NELL1: variants seen among roughly 807,000 people sequenced by gnomAD.
NELL1 encodes the protein neural EGFL like 1.
A neutral mutation model predicts 107.4 loss-of-function variants in NELL1; 76 were observed. The observed-to-expected ratio is 0.71, with a 90% confidence interval of 0.59 to 0.86. The LOEUF (loss-of-function observed/expected upper bound fraction) is 0.86. Ranked by LOEUF, NELL1 falls within the 40% of genes least tolerant of loss-of-function variation. NELL1 has a pLI of 0.00. For synonymous variants in NELL1, 353 were observed against 341.2 expected, an observed-to-expected ratio of 1.03 and a Z score of -0.38; for missense variants, 1,024 against 1,005.5, an observed-to-expected ratio of 1.02 and a Z score of -0.25.
intron 15 of NELL1, among the ~76,000 whole-genome samples, chr11:21,498,333 T>TTATATATATATATATATATATA (rs34418018): frequency 8.8e-6 from 1 of 113,718 alleles, no homozygotes; most frequent in East Asian, 2.6e-4. Context: ...CATAAACATA[T>TTATATATATATATATATATATA]TATATATATA....
intron 2 of NELL1, among the ~76,000 whole-genome samples, chr11:20,732,295 T>C (rs181483827): frequency 1.3e-5 from 2 of 152,264 alleles, no homozygotes; most frequent in African/African-American, 4.8e-5. Context: ...GGAGAGAATA[T>C]TTGAGTTCCT....
chr11:20,971,288 A>G (rs1107083), intron 12 of NELL1, among the ~76,000 whole-genome samples: 6,317 of 152,238 alleles, frequency 0.041, 209 homozygotes, highest in Middle Eastern at 0.2. Flanking sequence ...CTTGAAAGAC[A>G]TTATGCATAA....
At chr11:21,310,165 A>G (rs1849720087) in intron 14 of NELL1, among the ~76,000 whole-genome samples, 1 of 152,104 alleles carries the variant, frequency 6.6e-6, no homozygotes. Context: ...ATAACTATTT[A>G]CTTGTTAAGC....
At chr11:21,130,584 C>T (rs980153543) in intron 13 of NELL1, among the ~76,000 whole-genome samples, 3 of 152,100 alleles carry the variant, frequency 2.0e-5, no homozygotes, top group African/African-American at 7.2e-5. Context: ...CTCTAAGCAA[C>T]CAGGGAGTTG....
intron 16 of NELL1, among the ~76,000 whole-genome samples, chr11:21,545,088 T>C (rs767487124): frequency 8.6e-5 from 13 of 152,038 alleles, no homozygotes; most frequent in Non-Finnish European, 1.5e-4. Flanking sequence ...TTCTAGTGGT[T>C]TATTGAGGTA....
chr11:21,002,591 C>A (rs185956349), intron 12 of NELL1, among the ~76,000 whole-genome samples: 3 of 152,274 alleles, frequency 2.0e-5, no homozygotes, highest in Admixed American at 2.0e-4. Flanking sequence ...CTGCATTAAA[C>A]CTGCCTCTAC....
chr11:21,000,048 G>A (rs36058045), intron 12 of NELL1, among the ~76,000 whole-genome samples: 6,134 of 152,170 alleles, frequency 0.04, 184 homozygotes, highest in Middle Eastern at 0.12. Flanking sequence ...GATCCACCAA[G>A]GGTAAATAAA....
chr11:21,344,539 C>T (rs1426123212), intron 14 of NELL1, among the ~76,000 whole-genome samples: 1 of 151,920 alleles, frequency 6.6e-6, no homozygotes, highest in Non-Finnish European at 1.5e-5. Context: ...TTTAAAAACT[C>T]AGCAGTATCC....
chr11:21,471,633 C>A (rs996070728), intron 15 of NELL1, among the ~76,000 whole-genome samples: 1 of 151,866 alleles, frequency 6.6e-6, no homozygotes, highest in Admixed American at 6.6e-5. Flanking sequence ...TATAACAATT[C>A]AGTGATGAAG....
intron 15 of NELL1, among the ~76,000 whole-genome samples, chr11:21,439,457 C>T (rs1314847668): frequency 1.3e-5 from 2 of 152,106 alleles, no homozygotes; most frequent in East Asian, 1.9e-4. Flanking sequence ...CTGACTGGAA[C>T]AGTGTCTACA....
chr11:20,856,474 C>T (rs1848884328), intron 4 of NELL1, among the ~76,000 whole-genome samples: 1 of 152,204 alleles, frequency 6.6e-6, no homozygotes, highest in Admixed American at 6.5e-5. Context: ...TTTGAACTAA[C>T]AAGCTTCAAG....
chr11:21,392,662 T>C (rs1262722327), intron 15 of NELL1, among the ~76,000 whole-genome samples: 1 of 151,810 alleles, frequency 6.6e-6, no homozygotes, highest in Non-Finnish European at 1.5e-5. Context: ...GTCCTGGTCA[T>C]TGTGATAACT....
chr11:21,259,445 A>G (rs2133920377), intron 14 of NELL1, among the ~76,000 whole-genome samples: 1 of 152,036 alleles, frequency 6.6e-6, no homozygotes, highest in East Asian at 1.9e-4. Context: ...TAGCATGAGT[A>G]AAGTTATGGA....
At chr11:20,916,498 A>G (rs1045273427) in intron 5 of NELL1, among the ~76,000 whole-genome samples, 7 of 152,006 alleles carry the variant, frequency 4.6e-5, no homozygotes, top group African/African-American at 9.7e-5. Context: ...ACCATGACAC[A>G]TGTGCTCCAG....
intron 16 of NELL1, among the ~76,000 whole-genome samples, chr11:21,541,499 C>CT (rs1856291471): frequency 6.6e-6 from 1 of 152,114 alleles, no homozygotes; most frequent in Non-Finnish European, 1.5e-5. Flanking sequence ...TTGACTGCTT[C>CT]TGCTCAGTGC....
At chr11:21,126,519 A>G (rs2133750502) in intron 13 of NELL1, among the ~76,000 whole-genome samples, 1 of 152,310 alleles carries the variant, frequency 6.6e-6, no homozygotes, top group Admixed American at 6.5e-5. Context: ...AGATTCTTTA[A>G]GTGCTCCATG....
At chr11:21,204,691 G>A (rs1432369821) in intron 13 of NELL1, among the ~76,000 whole-genome samples, 1 of 151,874 alleles carries the variant, frequency 6.6e-6, no homozygotes, top group Non-Finnish European at 1.5e-5. Context: ...AAGAAGAGGA[G>A]TTCTTTTTTT....
intron 15 of NELL1, among the ~76,000 whole-genome samples, chr11:21,446,474 AT>A (rs1853432534): frequency 1.3e-5 from 2 of 152,088 alleles, no homozygotes; most frequent in African/African-American, 4.8e-5. Context: ...GTTACTACCC[AT>A]CCTTTTTGGG....
At chr11:21,127,073 T>C (rs1855502619) in intron 13 of NELL1, among the ~76,000 whole-genome samples, 1 of 152,150 alleles carries the variant, frequency 6.6e-6, no homozygotes, top group African/African-American at 2.4e-5. Context: ...TGGCATCTAG[T>C]TATTCCTTAA....
Sources: gnomAD v4.1 joint callset for allele counts (sites outside exome capture counted in the v4.1 genomes callset) on GRCh38, gnomAD v4.1.1 for gene constraint, MANE v1.5 for transcripts, NCBI Gene and HGNC (gene_info 2026-07-23, HGNC 2026-07-21) for gene names.